Variants in COL4A4 observed in about 807,000 individuals in gnomAD.
COL4A4 encodes the protein collagen alpha-4(IV) chain.
Under a neutral mutation model 192.9 loss-of-function variants are expected in COL4A4, and 105 were observed. The observed-to-expected ratio is 0.54, with a 90% CI of 0.46 to 0.64. The LOEUF is 0.64. Among genes scored for constraint, COL4A4 ranks in the 30% least tolerant of loss-of-function variants. The probability of loss-of-function intolerance (pLI) is 0.00; values close to 1 mark genes in which losing one functional copy is unlikely to be tolerated. For missense variants in COL4A4, 1,967 were observed against 2,169.3 expected (o/e 0.91, Z 1.85); for synonymous variants, 762 against 769.9 (o/e 0.99, Z 0.17).
the COL4A4 span, among the ~76,000 whole-genome samples, chr2:226,977,288 C>T: frequency 9.2e-5 from 14 of 152,222 alleles, no homozygotes; most frequent in Non-Finnish European, 1.3e-4. Context: ...TCATGACTGC[C>T]GCCTCCTTTT....
downstream of COL4A4, among the ~76,000 whole-genome samples, chr2:227,001,079 T>C (rs926124160): frequency 1.4e-4 from 21 of 151,572 alleles, no homozygotes; most frequent in Admixed American, 5.9e-4. Context: ...ACACGGCTGG[T>C]TTTCATTTCT....
At position 227,080,452 on chromosome 2, in the gene COL4A4, T is replaced by C; in HGVS notation, c.1794A>G (p.Pro598=). 12 of 1,613,896 alleles carry C rather than the reference T, an allele frequency of 7.4e-6. No individual in the cohort carries two copies. The highest frequency in any genetic ancestry group is 1.0e-5 in the Non-Finnish European group (12 of 1,179,762). The change falls in exon 24 of 48, where the codon CCA becomes CCG. Residue 598 remains proline, a synonymous_variant. Coordinates refer to ENST00000396625, the MANE Select transcript of COL4A4 (RefSeq NM_000092.5). ...RDGHAGEKGD[P]GPPGDHEDAT... is the part of the protein sequence containing the mutation. ...GAAGAATTCTACATACTGGAGGTCCTGGATCCCCTTTTTCTCCAGCATGTC... is the reference window on the plus strand; with the variant it reads ...GAAGAATTCTACATACTGGAGGTCCCGGATCCCCTTTTTCTCCAGCATGTC...
At position 227,120,869 on chromosome 2, in the gene COL4A4, G is replaced by A; in HGVS notation, c.327+145C>T. The stretch of plus-strand genomic sequence containing the variant: ...TGGGAGGCTCGCTTGAACCTGGGAG[G>A]CGAAGGCTGCAGTGAGCTGAGATCC... On this transcript the variant is annotated intron_variant, in intron 5 of 47. Coordinates refer to ENST00000396625, the MANE Select transcript of COL4A4 (RefSeq NM_000092.5). 4.8e-6 allele frequency: 5 copies of A among 1,034,734 alleles called. No individual in the cohort carries two copies. The South Asian group carries it at 7.5e-5, about 16-fold the overall frequency. 64.1% of individuals were successfully genotyped at this position (1,034,734 alleles called of 1,614,324 possible). A position where few individuals can be genotyped will look rare whatever the true frequency, so the allele number is the denominator to read the frequency against.
At chr2:227,156,270 G>A (rs769252455) in intron 1 of COL4A4, among the ~76,000 whole-genome samples, 7 of 151,822 alleles carry the variant, frequency 4.6e-5, no homozygotes, top group Non-Finnish European at 7.4e-5. Context: ...TGGGTTGCAC[G>A]TGCCTGTATT....
At chr2:226,968,783 A>G in the COL4A4 span, among the ~76,000 whole-genome samples, 1 of 152,204 alleles carries the variant, frequency 6.6e-6, no homozygotes, top group African/African-American at 2.4e-5. Flanking sequence ...CCAAGGCATG[A>G]AAGTATAATC....
At chr2:227,042,789 G>A (rs1371887535) in intron 36 of COL4A4, among the ~76,000 whole-genome samples, 1 of 152,098 alleles carries the variant, frequency 6.6e-6, no homozygotes, top group East Asian at 1.9e-4. Context: ...CTCTCTAAAA[G>A]AATAAAAACT....
rs1465478649 is a variant in COL4A4 at position 227,008,409 on chromosome 2, TGGA to T, written c.4523-108_4523-106del. The T allele has an allele frequency of 2.3e-6, 3 of 1,308,894 alleles. No individual in the cohort carries two copies. The African/African-American group carries it at 4.4e-5, about 19-fold the overall frequency. 81.1% of individuals were successfully genotyped at this position (1,308,894 alleles called of 1,614,324 possible). A position where few individuals can be genotyped will look rare whatever the true frequency, so the allele number is the denominator to read the frequency against. ...CTTTGCAGATACGTGTTCTGAAATC[TGGA>T]GGCCCTCGCCAAAGCCTGCTTCTGT... On this transcript the variant is annotated intron_variant, in intron 46 of 47. Coordinates refer to ENST00000396625, the MANE Select transcript of COL4A4 (RefSeq NM_000092.5).
intron 3 of COL4A4, among the ~76,000 whole-genome samples, chr2:227,141,188 T>C (rs972890205): frequency 4.6e-5 from 7 of 152,124 alleles, no homozygotes; most frequent in African/African-American, 1.7e-4. Context: ...AGGGCATGGA[T>C]AAGAATATCA....
rs978889488 is a variant in COL4A4 at position 227,046,060 on chromosome 2, CATAT to C, written c.3289+1411_3289+1414del. 1.6e-3 allele frequency among the ~76,000 whole-genome samples: 64 copies of C among 40,078 alleles called. 1 individual carries two copies. The highest frequency in any genetic ancestry group is 7.4e-3 in the African/African-American group (62 of 8,380). 26.3% of individuals were successfully genotyped at this position (40,078 alleles called of 152,430 possible). A position where few individuals can be genotyped will look rare whatever the true frequency, so the allele number is the denominator to read the frequency against. On this transcript the variant is annotated intron_variant, in intron 35 of 47. Coordinates refer to ENST00000396625, the MANE Select transcript of COL4A4 (RefSeq NM_000092.5). ...CATATATACATATATACTATCTAAA[CATAT>C]ATACATATATATATTTAGATATATA...
intron 29 of COL4A4, 27 bp downstream of exon 29, chr2:227,057,412 A>G: frequency 1.9e-6 from 3 of 1,582,956 alleles, no homozygotes; most frequent in Non-Finnish European, 2.6e-6. Context: ...GGTAAGCCCC[A>G]GACCCTTCAC....
At chr2:227,070,094 A>T (rs1194401508) in intron 25 of COL4A4, among the ~76,000 whole-genome samples, 3 of 152,158 alleles carry the variant, frequency 2.0e-5, no homozygotes, top group Non-Finnish European at 4.4e-5. Flanking sequence ...GAAGACATTT[A>T]TGCAGCCAAA....
At chr2:227,103,594 G>A (rs145934474) in intron 13 of COL4A4, among the ~76,000 whole-genome samples, 6 of 152,272 alleles carry the variant, frequency 3.9e-5, no homozygotes, top group African/African-American at 1.4e-4. Flanking sequence ...AATCTATTAC[G>A]GCCCAGTTCT....
chr2:227,049,812 C>G (rs1371238601), intron 34 of COL4A4, among the ~76,000 whole-genome samples: 3 of 152,228 alleles, frequency 2.0e-5, no homozygotes, highest in African/African-American at 7.2e-5. Flanking sequence ...ACTCCATGGA[C>G]TGCTGCTGGG....
intron 38 of COL4A4, among the ~76,000 whole-genome samples, 154 bp from the exon 39 acceptor site, chr2:227,032,430 A>G (rs1191323175): frequency 6.6e-6 from 1 of 152,158 alleles, no homozygotes; most frequent in African/African-American, 2.4e-5. Context: ...TGTCTGCACC[A>G]TTTCTCTCTT....
intron 5 of COL4A4, 184 bp downstream of exon 5, chr2:227,120,830 T>C (rs1467113709): frequency 8.9e-6 from 6 of 671,560 alleles, no homozygotes; most frequent in African/African-American, 1.8e-5. Flanking sequence ...TCCCAGCTAC[T>C]TGGGAGGCTG....
rs2061424430 is a variant in COL4A4 at position 227,115,210 on chromosome 2, G to C, written c.490-514C>G. ...TTTAAAAGTGAATGAAATAACCTCA[G>C]TGTATTCTTCCCCTCCCCAAGGTTT... On this transcript the variant is annotated intron_variant, in intron 7 of 47. Transcript: ENST00000396625. 5.3e-5 allele frequency among the ~76,000 whole-genome samples: 8 copies of C among 150,752 alleles called. No homozygotes were observed. The South Asian group carries it at 1.7e-3, about 32-fold the overall frequency.
chr2:227,064,491 G>A (rs1287947268), intron 25 of COL4A4, among the ~76,000 whole-genome samples: 1 of 152,172 alleles, frequency 6.6e-6, no homozygotes, highest in East Asian at 1.9e-4. Context: ...AACTTCCATG[G>A]CCTGGCTACA....
At chr2:227,021,269 G>T (rs1321426017) in intron 44 of COL4A4, among the ~76,000 whole-genome samples, 2 of 152,162 alleles carry the variant, frequency 1.3e-5, no homozygotes, top group Non-Finnish European at 2.9e-5. Flanking sequence ...CAATGCTCCA[G>T]TGATTAACCA....
Position 227,052,392 on chromosome 2 carries a change from C to G in COL4A4, c.2881G>C (p.Asp961His), listed in dbSNP as rs758813778. The G allele has an allele frequency of 6.2e-7, 1 of 1,609,770 alleles. No homozygotes were observed. The highest frequency in any genetic ancestry group is 8.5e-7 in the Non-Finnish European group (1 of 1,176,076). ...GAAATGATAGCCATTTCTCCTTCAT[C>G]TCCGGGAGGTCCTATGGCTCCTATG... ...GAKGAIGPPGDEGEMAIISQK... is the reference protein window; with the variant it reads ...GAKGAIGPPGHEGEMAIISQK... Residue 961 changes from aspartate (D) to histidine (H), a missense_variant, in exon 32 of 48, where the codon GAT becomes CAT. By Grantham distance (81) the Asp-to-His change is moderately conservative. Coordinates refer to ENST00000396625, the MANE Select transcript of COL4A4 (RefSeq NM_000092.5).
Sources: gnomAD v4.1 joint callset for allele counts (sites outside exome capture counted in the v4.1 genomes callset) on GRCh38, gnomAD v4.1.1 for gene constraint, MANE v1.5 for transcripts, NCBI Gene and HGNC (gene_info 2026-07-23, HGNC 2026-07-21) for gene names.